The following CSMD1 variants were observed in gnomAD, a reference collection of about 807,000 sequenced individuals.
The protein encoded by CSMD1 is CUB and Sushi multiple domains 1.
Under a neutral mutation model 417.5 loss-of-function variants are expected in CSMD1, and 213 were observed. The observed-to-expected ratio is 0.51, with a 90% CI of 0.46 to 0.57. The LOEUF (loss-of-function observed/expected upper bound fraction) is 0.57. CSMD1 is among the 20% of genes least tolerant of loss of function. CSMD1 has a pLI of 0.00. For synonymous variants in CSMD1, 2,862 were observed against 1,736.8 expected (o/e 1.65, Z -16.11); for missense variants, 6,923 against 4,529.7 (o/e 1.53, Z -15.17).
At position 3,260,434 on chromosome 8, in the gene CSMD1, G is replaced by A. The variant is rs376134049; in HGVS notation, c.4153+23710C>T. Among the ~76,000 whole-genome samples, 23 of 151,976 alleles carry A rather than the reference G, an allele frequency of 1.5e-4. No individual in the cohort carries two copies. The East Asian group carries it at 2.9e-3, about 19-fold the overall frequency. ...AAGGAGTATATCCTCCAGCCCCATC[G>A]GGGTGCATCAACTCAGCCCAGACTC... On this transcript the variant is annotated intron_variant, in intron 26 of 69. Transcript: ENST00000635120.
At chr8:4,728,284 A>G (rs1298146041) in intron 1 of CSMD1, among the ~76,000 whole-genome samples, 1 of 151,172 alleles carries the variant, frequency 6.6e-6, no homozygotes, top group Non-Finnish European at 1.5e-5. Context: ...GGTTGAAATA[A>G]AATTTTAATA....
chr8:4,448,818 G>C (rs1041248104), intron 2 of CSMD1, among the ~76,000 whole-genome samples: 2 of 152,134 alleles, frequency 1.3e-5, no homozygotes, highest in African/African-American at 4.8e-5. Context: ...CCTAATTCTG[G>C]GACAGGGTAA....
intron 55 of CSMD1, among the ~76,000 whole-genome samples, chr8:2,976,560 G>A (rs187921769): frequency 1.4e-3 from 216 of 152,220 alleles, no homozygotes; most frequent in African/African-American, 5.0e-3. Flanking sequence ...GGTTGTCCAA[G>A]TTGATCTAGA....
chr8:4,402,362 C>T (rs562061904), intron 3 of CSMD1, among the ~76,000 whole-genome samples: 1 of 152,070 alleles, frequency 6.6e-6, no homozygotes, highest in South Asian at 2.1e-4. Flanking sequence ...ACTGCACCCT[C>T]AATTCCCTTG....
chr8:3,302,510 T>C (rs1263978703), intron 25 of CSMD1, among the ~76,000 whole-genome samples: 9 of 152,208 alleles, frequency 5.9e-5, no homozygotes, highest in Admixed American at 5.9e-4. Flanking sequence ...TCTCATTTCT[T>C]CCCTGCATGT....
At chr8:4,359,002 A>AG in intron 3 of CSMD1, among the ~76,000 whole-genome samples, 1 of 152,142 alleles carries the variant, frequency 6.6e-6, no homozygotes. Context: ...TGACATATAT[A>AG]GGCATATAAT....
At chr8:3,329,191 C>T (rs952422635) in intron 23 of CSMD1, among the ~76,000 whole-genome samples, 1 of 152,052 alleles carries the variant, frequency 6.6e-6, no homozygotes, top group Non-Finnish European at 1.5e-5. Flanking sequence ...GAAAAATGAC[C>T]TTGTTTTAGG....
chr8:4,415,083 T>A (rs1333316651), intron 3 of CSMD1, among the ~76,000 whole-genome samples: 1 of 152,112 alleles, frequency 6.6e-6, no homozygotes, highest in East Asian at 1.9e-4. Flanking sequence ...TTGCAAAGGA[T>A]CTCACGGAGT....
chr8:3,232,268 C>T (rs1798887150), intron 26 of CSMD1, among the ~76,000 whole-genome samples: 1 of 152,124 alleles, frequency 6.6e-6, no homozygotes, highest in South Asian at 2.1e-4. Context: ...AAATCAAATG[C>T]TTAACTGGAA....
intron 2 of CSMD1, among the ~76,000 whole-genome samples, chr8:4,563,428 T>C (rs1382345827): frequency 6.6e-6 from 1 of 151,812 alleles, no homozygotes; most frequent in African/African-American, 2.4e-5. Context: ...AATAATAAAA[T>C]AAAATTAAAA....
At chr8:4,295,957 G>C (rs1008697571) in intron 3 of CSMD1, among the ~76,000 whole-genome samples, 1 of 151,254 alleles carries the variant, frequency 6.6e-6, no homozygotes, top group Admixed American at 6.6e-5. Context: ...TCACTCTGTA[G>C]AACATTTTCC....
Position 4,222,821 on chromosome 8 carries a change from G to C in CSMD1, c.416-190722C>G, listed in dbSNP as rs562878221. On this transcript the variant is annotated intron_variant, in intron 3 of 69. Coordinates refer to ENST00000635120, the MANE Select transcript of CSMD1 (RefSeq NM_033225.6). The stretch of plus-strand genomic sequence containing the variant: ...TTGAGCTGACCTGAGGATTTTGCCA[G>C]ACTAAGAGTCGCTGAAAATACCATG... 9.9e-5 allele frequency among the ~76,000 whole-genome samples: 15 copies of C among 152,230 alleles called. No individual in the cohort carries two copies. In the East Asian group the frequency reaches 2.5e-3, roughly 25 times the overall value.
At chr8:4,908,192 T>C (rs2117076221) in intron 1 of CSMD1, among the ~76,000 whole-genome samples, 1 of 152,302 alleles carries the variant, frequency 6.6e-6, no homozygotes, top group Admixed American at 6.5e-5. Flanking sequence ...TCCATTCTCT[T>C]CTTGTTTGCA....
intron 1 of CSMD1, 67 bp downstream of exon 1, chr8:4,994,265 C>G (rs3860871): frequency 0.25 from 361,990 of 1,459,736 alleles, 48,439 homozygotes; most frequent in Non-Finnish European, 0.28. Context: ...AAAACGCACA[C>G]TCGCGTCCGC....
chr8:3,785,734 G>A (rs893691850), intron 5 of CSMD1, among the ~76,000 whole-genome samples: 1 of 152,104 alleles, frequency 6.6e-6, no homozygotes. Context: ...CCCAGGGTGC[G>A]GGGAGCCAGG....
At chr8:4,030,166 G>T (rs1023514992) in intron 4 of CSMD1, among the ~76,000 whole-genome samples, 2 of 150,358 alleles carry the variant, frequency 1.3e-5, no homozygotes, top group Non-Finnish European at 3.0e-5. Context: ...CCATTCTGGA[G>T]TCTGAAGGAT....
chr8:4,310,392 G>C (rs1476161724), intron 3 of CSMD1, among the ~76,000 whole-genome samples: 4 of 152,180 alleles, frequency 2.6e-5, no homozygotes, highest in Non-Finnish European at 5.9e-5. Context: ...CAGCCTACAT[G>C]ATGCCCAGTC....
intron 12 of CSMD1, among the ~76,000 whole-genome samples, chr8:3,420,717 C>G (rs890875819): frequency 3.9e-5 from 6 of 152,118 alleles, no homozygotes; most frequent in African/African-American, 9.7e-5. Flanking sequence ...ACCTTTGTCA[C>G]GCTTGCAATG....
intron 1 of CSMD1, among the ~76,000 whole-genome samples, chr8:4,865,718 T>C (rs1225104317): frequency 6.6e-6 from 1 of 151,924 alleles, no homozygotes; most frequent in African/African-American, 2.4e-5. Context: ...TAATGCAAAA[T>C]GTATCTAAAT....
Sources: gnomAD v4.1 joint callset for allele counts (sites outside exome capture counted in the v4.1 genomes callset) on GRCh38, gnomAD v4.1.1 for gene constraint, MANE v1.5 for transcripts, NCBI Gene and HGNC (gene_info 2026-07-23, HGNC 2026-07-21) for gene names.